The following LRIG1 variants were observed in gnomAD, a reference collection of about 807,000 sequenced individuals.
The protein encoded by LRIG1 is leucine-rich repeats and immunoglobulin-like domains protein 1.
In LRIG1, 48 loss-of-function variants were observed where a neutral mutation model predicts 99.2. The observed-to-expected ratio is 0.48, with a 90% CI of 0.38 to 0.62. The LOEUF (loss-of-function observed/expected upper bound fraction) is 0.62. Ranked by LOEUF, LRIG1 falls within the 20% of genes least tolerant of loss-of-function variation. The pLI, the probability that LRIG1 is intolerant of heterozygous loss-of-function variation, is 0.00. For missense variants in LRIG1, 1,646 were observed against 1,434.4 expected (o/e 1.15, Z -2.38); for synonymous variants, 772 against 596.1 (o/e 1.29, Z -4.30).
chr3:66,402,059 T>G (rs1340422626), intron 9 of LRIG1, among the ~76,000 whole-genome samples: 3 of 152,078 alleles, frequency 2.0e-5, no homozygotes, highest in Non-Finnish European at 4.4e-5. Context: ...TGCGCTCACA[T>G]CAGCTCTGCA....
intron 9 of LRIG1, among the ~76,000 whole-genome samples, chr3:66,400,040 T>C (rs1328391083): frequency 1.3e-5 from 2 of 152,226 alleles, no homozygotes; most frequent in Non-Finnish European, 2.9e-5. Flanking sequence ...ATGATGTCAG[T>C]GGGCCAACCT....
chr3:66,385,869 C>T (rs1701345844), intron 13 of LRIG1, 112 bp downstream of exon 13: 2 of 1,018,478 alleles, frequency 2.0e-6, no homozygotes, highest in Admixed American at 2.2e-5. Flanking sequence ...CAGTGCCCCA[C>T]AGAAGCATGT....
At chr3:66,431,090 T>C (rs1703156842) in intron 3 of LRIG1, among the ~76,000 whole-genome samples, 1 of 151,938 alleles carries the variant, frequency 6.6e-6, no homozygotes, top group South Asian at 2.1e-4. Flanking sequence ...CTGTGTCATG[T>C]GGAGCCAGCA....
At chr3:66,436,366 C>T (rs1474474732) in intron 3 of LRIG1, among the ~76,000 whole-genome samples, 4 of 152,328 alleles carry the variant, frequency 2.6e-5, no homozygotes, top group South Asian at 2.1e-4. Context: ...CCTCCCCCGC[C>T]TCTTGCAGAC....
chr3:66,497,850 T>C lies in LRIG1; in HGVS notation c.218+2340A>G, dbSNP rs548219350. 1.2e-4 allele frequency among the ~76,000 whole-genome samples: 18 copies of C among 152,216 alleles called. No homozygotes were observed. In the South Asian group the frequency reaches 3.5e-3, roughly 30 times the overall value. On this transcript the variant is annotated intron_variant, in intron 1 of 18. Coordinates refer to ENST00000273261, the MANE Select transcript of LRIG1 (RefSeq NM_015541.3). The stretch of plus-strand genomic sequence containing the variant: ...AGCTCAAAGCATTTTCTAGACACCG[T>C]GGGCTTAGAGCGTGTAAACTTGGTG...
rs1702579277 is a variant in LRIG1, at chr3:66,415,003, C to T, written c.564G>A (p.Arg188=). 2 of 1,612,686 alleles carry T rather than the reference C, an allele frequency of 1.2e-6. No individual in the cohort carries two copies. Among genetic ancestry groups the T allele is most frequent in the Non-Finnish European group, 8.5e-7 (1 of 1,179,298 alleles). ...TGCTCAGGCGAAGAGTTAGCAGCGA[C>T]CGTGACAGACCATCAAATGCTCCCA... ...LELGAFDGLS[R]SLLTLRLSKN... is the part of the protein sequence containing the mutation. Residue 188 remains arginine (R), a synonymous_variant, in exon 5 of 19, where the codon CGG becomes CGA. Coordinates refer to ENST00000273261, the MANE Select transcript of LRIG1 (RefSeq NM_015541.3).
intron 9 of LRIG1, among the ~76,000 whole-genome samples, chr3:66,401,834 TC>T (rs2107991247): frequency 6.6e-6 from 1 of 152,104 alleles, no homozygotes; most frequent in Non-Finnish European, 1.5e-5. Context: ...CTGTCAAACC[TC>T]CCATCCATCT....
At chr3:66,479,457 C>G (rs1158379724) in intron 1 of LRIG1, among the ~76,000 whole-genome samples, 2 of 152,172 alleles carry the variant, frequency 1.3e-5, no homozygotes, top group Non-Finnish European at 2.9e-5. Flanking sequence ...ACACTTCTAC[C>G]TGTAGATCTT....
intron 3 of LRIG1, among the ~76,000 whole-genome samples, chr3:66,450,415 T>A (rs1426061032): frequency 1.3e-5 from 2 of 152,130 alleles, no homozygotes; most frequent in African/African-American, 4.8e-5. Flanking sequence ...AAATGCATTA[T>A]GTAAATGAGG....
chr3:66,500,374 G>A lies in LRIG1; in HGVS notation c.34C>T (p.Pro12Ser), dbSNP rs764123511. Reference protein sequence around the residue: ...ARPVRGGLGAPRRSPCLLLLW... With the variant: ...ARPVRGGLGASRRSPCLLLLW... ...AGGAGAAGGCAAGGCGAGCGGCGCGGGGCCCCGAGCCCTCCCCGGACCGGC... is the reference window on the plus strand; with the variant it reads ...AGGAGAAGGCAAGGCGAGCGGCGCGAGGCCCCGAGCCCTCCCCGGACCGGC... The change falls in exon 1 of 19, where the codon CCG becomes TCG. Residue 12 changes from proline to serine, a missense_variant. By Grantham distance (74) the Pro-to-Ser change is moderately conservative (BLOSUM62 -1). Transcript: ENST00000273261. 3.4e-6 allele frequency: 5 copies of A among 1,478,162 alleles called. No individual in the cohort carries two copies. The African/African-American group carries it at 4.3e-5, about 13-fold the overall frequency. The allele number at this position is 1,478,162 out of a possible 1,614,324, so 91.6% of individuals were successfully genotyped here.
intron 1 of LRIG1, among the ~76,000 whole-genome samples, chr3:66,463,796 A>G (rs770483659): frequency 3.3e-5 from 5 of 152,248 alleles, no homozygotes; most frequent in Non-Finnish European, 7.3e-5. Flanking sequence ...AACTTACTCC[A>G]GAGACATTTC....
intron 15 of LRIG1, among the ~76,000 whole-genome samples, 168 bp downstream of exon 15, chr3:66,382,814 T>G (rs1701159974): frequency 6.7e-6 from 1 of 150,158 alleles, no homozygotes; most frequent in Non-Finnish European, 1.5e-5. Flanking sequence ...AGAGTATTCC[T>G]GTTTAAGGTT....
intron 3 of LRIG1, among the ~76,000 whole-genome samples, chr3:66,420,987 A>T (rs534308453): frequency 2.0e-5 from 3 of 152,324 alleles, no homozygotes; most frequent in African/African-American, 7.2e-5. Flanking sequence ...GCAGGCAAAA[A>T]AAAGGGCTTG....
chr3:66,496,371 A>G (rs1172387366), intron 1 of LRIG1, among the ~76,000 whole-genome samples: 3 of 152,244 alleles, frequency 2.0e-5, no homozygotes, highest in Non-Finnish European at 4.4e-5. Flanking sequence ...ATTTCATATC[A>G]GCAAGACTTA....
intron 13 of LRIG1, 76 bp from the exon 14 acceptor site, chr3:66,384,348 T>C (rs1458623447): frequency 6.9e-7 from 1 of 1,447,468 alleles, no homozygotes; most frequent in African/African-American, 1.4e-5. Flanking sequence ...GGCAAACACC[T>C]ACCTGTCACT....
intron 2 of LRIG1, among the ~76,000 whole-genome samples, chr3:66,459,883 A>G (rs1289946941): frequency 1.3e-5 from 2 of 152,232 alleles, no homozygotes; most frequent in South Asian, 2.1e-4. Flanking sequence ...AAAATCAGCA[A>G]CAGCACCGTG....
At chr3:66,482,754 T>C (rs2871629) in intron 1 of LRIG1, among the ~76,000 whole-genome samples, 121,289 of 152,178 alleles carry the variant, frequency 0.8, 51,940 homozygotes, top group Non-Finnish European at 0.97. Flanking sequence ...TTACAAGTTT[T>C]ATGTAAGTTG....
intron 5 of LRIG1, 97 bp downstream of exon 5, chr3:66,414,823 G>T: frequency 8.2e-7 from 1 of 1,226,854 alleles, no homozygotes; most frequent in Non-Finnish European, 1.1e-6. Context: ...ACCAAATGGA[G>T]CAAGGAAAGG....
At chr3:66,484,637 G>A (rs1039321520) in intron 1 of LRIG1, among the ~76,000 whole-genome samples, 4 of 152,166 alleles carry the variant, frequency 2.6e-5, no homozygotes, top group Admixed American at 2.6e-4. Flanking sequence ...AAAGCCCCAC[G>A]TGGTGGCTGG....
Sources: allele counts gnomAD v4.1 joint callset (sites outside exome capture counted in the v4.1 genomes callset), GRCh38; gene constraint gnomAD v4.1.1; transcripts MANE v1.5; gene names NCBI Gene and HGNC (gene_info 2026-07-23, HGNC 2026-07-21).